RHBDL2: variants seen among roughly 807,000 people sequenced by gnomAD.
RHBDL2 encodes the protein rhomboid like 2, also known as rhomboid-related protein 2.
Under a neutral mutation model 31.7 loss-of-function variants are expected in RHBDL2, and 26 were observed. That is an observed-to-expected ratio of 0.82 (90% CI 0.60 to 1.14). The LOEUF (loss-of-function observed/expected upper bound fraction) is 1.14. Among genes scored for constraint, RHBDL2 ranks in the 50% most tolerant of loss-of-function variants. The probability of loss-of-function intolerance (pLI) is 0.00; values close to 1 mark genes in which losing one functional copy is unlikely to be tolerated. For synonymous variants in RHBDL2, 123 were observed against 127.2 expected (o/e 0.97, Z 0.22); for missense variants, 336 against 364.4 (o/e 0.92, Z 0.63).
At chr1:38,891,086 T>C (rs540582609) in intron 6 of RHBDL2, among the ~76,000 whole-genome samples, 121 of 151,880 alleles carry the variant, frequency 8.0e-4, no homozygotes, top group Admixed American at 2.6e-3. Flanking sequence ...CTGACCAATA[T>C]GGTAAAACCC....
chr1:38,936,598 C>T (rs1166682609), intron 1 of RHBDL2, among the ~76,000 whole-genome samples: 4 of 150,994 alleles, frequency 2.6e-5, no homozygotes, highest in African/African-American at 9.8e-5. Context: ...CTCCTAGGTT[C>T]AAGCAATTCT....
chr1:38,892,623 GA>G (rs1434001265), intron 6 of RHBDL2, among the ~76,000 whole-genome samples: 1 of 152,154 alleles, frequency 6.6e-6, no homozygotes, highest in Non-Finnish European at 1.5e-5. Flanking sequence ...GGGAAATGTG[GA>G]AAGGCCTTCT....
chr1:38,902,708 CCA>C (rs1643010991), intron 4 of RHBDL2, among the ~76,000 whole-genome samples: 1 of 152,088 alleles, frequency 6.6e-6, no homozygotes, highest in Non-Finnish European at 1.5e-5. Context: ...GCATAAGCCA[CCA>C]CACCCAGCCT....
intron 4 of RHBDL2, among the ~76,000 whole-genome samples, chr1:38,908,474 T>G (rs935591225): frequency 2.9e-5 from 4 of 138,260 alleles, no homozygotes; most frequent in African/African-American, 1.1e-4. Context: ...ACTGCACCAT[T>G]GCACTCCAAC....
intron 1 of RHBDL2, among the ~76,000 whole-genome samples, chr1:38,928,439 G>A (rs1259569475): frequency 3.0e-5 from 1 of 33,220 alleles, no homozygotes; most frequent in Non-Finnish European, 7.3e-5. Context: ...ACGGCGCCCG[G>A]CCATGTTTTG....
intron 1 of RHBDL2, among the ~76,000 whole-genome samples, chr1:38,928,994 C>T (rs1418675127): frequency 3.3e-5 from 5 of 152,074 alleles, no homozygotes; most frequent in South Asian, 4.1e-4. Flanking sequence ...TCACTTGAAA[C>T]GGGGAGTTCA....
chr1:38,908,159 T>C (rs976354759), intron 4 of RHBDL2, among the ~76,000 whole-genome samples: 1 of 136,514 alleles, frequency 7.3e-6, no homozygotes, highest in African/African-American at 2.9e-5. Context: ...TCCTCCAAAT[T>C]TGAAAAAAAA....
chr1:38,922,814 G>T (rs970142796), intron 1 of RHBDL2, among the ~76,000 whole-genome samples: 1 of 152,090 alleles, frequency 6.6e-6, no homozygotes, highest in South Asian at 2.1e-4. Flanking sequence ...GACTTAGGCC[G>T]GGCACAGTGG....
At chr1:38,892,922 C>T (rs182511445) in intron 6 of RHBDL2, among the ~76,000 whole-genome samples, 1 of 152,276 alleles carries the variant, frequency 6.6e-6, no homozygotes, top group African/African-American at 2.4e-5. Flanking sequence ...CATCACTCAC[C>T]AACCAGCTCC....
intron 1 of RHBDL2, among the ~76,000 whole-genome samples, chr1:38,927,358 C>T (rs914898782): frequency 3.3e-5 from 5 of 151,940 alleles, no homozygotes; most frequent in African/African-American, 7.3e-5. Flanking sequence ...ACCTGGGAGG[C>T]GGAGGTTGCG....
At chr1:38,929,555 C>A in intron 1 of RHBDL2, 1 of 1,288,998 alleles carries the variant, frequency 7.8e-7, no homozygotes, top group Non-Finnish European at 1.0e-6. Context: ...TTCTAAACAG[C>A]TGGCCCCACC....
intron 1 of RHBDL2, among the ~76,000 whole-genome samples, chr1:38,933,093 G>T (rs771755292): frequency 2.8e-4 from 42 of 152,148 alleles, no homozygotes; most frequent in Non-Finnish European, 4.9e-4. Flanking sequence ...AATGGCAAAT[G>T]ATAAGATCCT....
intron 4 of RHBDL2, among the ~76,000 whole-genome samples, chr1:38,897,538 AT>A (rs148191144): frequency 0.02 from 3,055 of 152,178 alleles, 97 homozygotes; most frequent in African/African-American, 0.07. Context: ...ACAGAGTGAT[AT>A]CCGTCTCCAA....
At chr1:38,938,975 T>G (rs1643536554) in intron 1 of RHBDL2, among the ~76,000 whole-genome samples, 1 of 152,186 alleles carries the variant, frequency 6.6e-6, no homozygotes, top group African/African-American at 2.4e-5. Flanking sequence ...CATTGAAAAT[T>G]TTTGTATCAG....
chr1:38,894,649 C>T (rs1484114262), intron 5 of RHBDL2, among the ~76,000 whole-genome samples: 1 of 150,966 alleles, frequency 6.6e-6, no homozygotes, highest in Non-Finnish European at 1.5e-5. Flanking sequence ...AAAAAATTTA[C>T]ACAAATGCAA....
intron 4 of RHBDL2, among the ~76,000 whole-genome samples, chr1:38,897,011 C>G (rs1297766844): frequency 6.6e-6 from 1 of 152,040 alleles, no homozygotes; most frequent in African/African-American, 2.4e-5. Context: ...ATTGTAGAAG[C>G]ACTTAGGAAG....
In RHBDL2 at chr1:38,886,415, A is replaced by T; in HGVS notation, c.*89T>A. On this transcript the variant is annotated 3_prime_UTR_variant, in exon 8 of 8. Transcript: ENST00000372990. Reference sequence around the variant, plus strand: ...TATATAAAATTGTTAGCCTTTTCTGAGACTTCTCTGTTTCTTCATAGAGTC... The same window carrying T: ...TATATAAAATTGTTAGCCTTTTCTGTGACTTCTCTGTTTCTTCATAGAGTC... 1 of 1,043,720 alleles carries T rather than the reference A, an allele frequency of 9.6e-7. No homozygotes were observed. Among genetic ancestry groups the T allele is most frequent in the Non-Finnish European group, 1.3e-6 (1 of 749,778 alleles). The allele number at this position is 1,043,720 out of a possible 1,614,324, so 64.7% of individuals were successfully genotyped here. A position where few individuals can be genotyped will look rare whatever the true frequency, so the allele number is the denominator to read the frequency against.
chr1:38,930,105 C>T (rs61698966), intron 1 of RHBDL2, among the ~76,000 whole-genome samples: 23,902 of 152,054 alleles, frequency 0.16, 3,892 homozygotes, highest in African/African-American at 0.41. Flanking sequence ...GTCCACTCTG[C>T]GTCAAAAGTT....
chr1:38,925,788 G>T (rs1048931661), intron 1 of RHBDL2, among the ~76,000 whole-genome samples: 2 of 152,062 alleles, frequency 1.3e-5, no homozygotes, highest in Admixed American at 6.6e-5. Flanking sequence ...TTTCTACTCT[G>T]CAAACAAGAA....
Sources: gnomAD v4.1 joint callset for allele counts (sites outside exome capture counted in the v4.1 genomes callset) on GRCh38, gnomAD v4.1.1 for gene constraint, MANE v1.5 for transcripts, NCBI Gene and HGNC (gene_info 2026-07-23, HGNC 2026-07-21) for gene names.